ASAP1: variants seen among roughly 807,000 people sequenced by gnomAD.
ASAP1 encodes arf-GAP with SH3 domain, ANK repeat and PH domain-containing protein 1.
Under a neutral mutation model 145.2 loss-of-function variants are expected in ASAP1, and 43 were observed. The observed-to-expected ratio is 0.30, with a 90% CI of 0.23 to 0.38. ASAP1 has a LOEUF of 0.38. Among genes scored for constraint, ASAP1 ranks in the 10% least tolerant of loss-of-function variants. The pLI, the probability that ASAP1 is intolerant of heterozygous loss-of-function variation, is 1.00. For missense variants in ASAP1, 1,018 were observed against 1,355.3 expected (o/e 0.75, Z 3.91); for synonymous variants, 546 against 515.5 (o/e 1.06, Z -0.80).
chr8:130,227,409 T>C (rs1330286698), intron 4 of ASAP1, among the ~76,000 whole-genome samples: 2 of 152,046 alleles, frequency 1.3e-5, no homozygotes, highest in Non-Finnish European at 2.9e-5. Context: ...CATGCCACCA[T>C]GCCCAGCTAA....
intron 3 of ASAP1, among the ~76,000 whole-genome samples, chr8:130,301,609 C>T (rs1327157434): frequency 6.6e-6 from 1 of 152,106 alleles, no homozygotes; most frequent in East Asian, 1.9e-4. Flanking sequence ...ATCACATGTT[C>T]ACTACCCAAA....
rs1023617678 is a variant in ASAP1 at position 130,272,034 on chromosome 8, G to A, written c.187-35040C>T. On this transcript the variant is annotated intron_variant, in intron 3 of 29. Coordinates refer to ENST00000518721, the MANE Select transcript of ASAP1 (RefSeq NM_018482.4). ...AGACTTACTGTCACTAAAAGGCTGC[G>A]GTAAGCTCCAGTCCCAAATACTGGG... Among the ~76,000 whole-genome samples, 10 of 152,168 alleles carry A rather than the reference G, an allele frequency of 6.6e-5. No individual in the cohort carries two copies. In the South Asian group the frequency reaches 8.3e-4, roughly 13 times the overall value.
chr8:130,169,435 G>T (rs1233248762), intron 9 of ASAP1, among the ~76,000 whole-genome samples: 1 of 152,172 alleles, frequency 6.6e-6, no homozygotes, highest in African/African-American at 2.4e-5. Context: ...GAGAGAGAAG[G>T]ACACATTAAC....
chr8:130,119,858 G>C (rs1443374136), intron 18 of ASAP1, among the ~76,000 whole-genome samples: 1 of 151,932 alleles, frequency 6.6e-6, no homozygotes, highest in Non-Finnish European at 1.5e-5. Flanking sequence ...TGAATTAAAG[G>C]ATGTACAGTG....
chr8:130,124,155 G>T, intron 17 of ASAP1, 51 bp from the exon 18 acceptor site: 1 of 1,224,424 alleles, frequency 8.2e-7, no homozygotes, highest in Non-Finnish European at 1.2e-6. Context: ...TTTGCTACTA[G>T]TTAAAAGTCT....
chr8:130,330,015 A>G (rs1824579238), intron 3 of ASAP1, among the ~76,000 whole-genome samples: 1 of 152,190 alleles, frequency 6.6e-6, no homozygotes, highest in Non-Finnish European at 1.5e-5. Flanking sequence ...TTTCAGGGAG[A>G]GACAGTTGTA....
At chr8:130,137,674 C>CTTAT (rs2097598226) in intron 13 of ASAP1, among the ~76,000 whole-genome samples, 1 of 152,188 alleles carries the variant, frequency 6.6e-6, no homozygotes, top group Non-Finnish European at 1.5e-5. Flanking sequence ...TGAGGCAATG[C>CTTAT]TTAATGAACC....
chr8:130,208,159 A>G (rs956239852), intron 5 of ASAP1, among the ~76,000 whole-genome samples: 1 of 152,212 alleles, frequency 6.6e-6, no homozygotes, highest in Non-Finnish European at 1.5e-5. Flanking sequence ...CCCATCAACC[A>G]GCTTCCCCCA....
intron 24 of ASAP1, among the ~76,000 whole-genome samples, chr8:130,108,514 C>G (rs2097541225): frequency 6.6e-6 from 1 of 152,072 alleles, no homozygotes; most frequent in Non-Finnish European, 1.5e-5. Context: ...ATTTAACAGG[C>G]TTGGCCGGGT....
At position 130,054,695 on chromosome 8, in the gene ASAP1, T is replaced by C. The variant is rs775539561; in HGVS notation, c.*36A>G. On this transcript the variant is annotated 3_prime_UTR_variant, in exon 30 of 30. Coordinates refer to ENST00000518721, the MANE Select transcript of ASAP1 (RefSeq NM_018482.4). ...GTTACATGAAGGCAGCAGTCTTGCATGAAGGATGTGGACAATCTTAAGGTT... is the reference window on the plus strand; with the variant it reads ...GTTACATGAAGGCAGCAGTCTTGCACGAAGGATGTGGACAATCTTAAGGTT... 19 of 1,579,334 alleles carry C rather than the reference T, an allele frequency of 1.2e-5. No individual in the cohort carries two copies. The highest frequency in any genetic ancestry group is 1.7e-5 in the Non-Finnish European group (19 of 1,148,956).
At position 130,194,372 on chromosome 8, in the gene ASAP1, T is replaced by TG. The variant is rs1815339715; in HGVS notation, c.406-6190dup. 3.3e-5 allele frequency among the ~76,000 whole-genome samples: 5 copies of TG among 150,190 alleles called. No homozygotes were observed. The South Asian group carries it at 1.0e-3, about 31-fold the overall frequency. On this transcript the variant is annotated intron_variant, in intron 5 of 29. Coordinates refer to ENST00000518721, the MANE Select transcript of ASAP1 (RefSeq NM_018482.4). Reference sequence around the variant, plus strand: ...GGAGGAAATTTTAGGAAATATTCACTGGGGGGAGCAAAAAAAAAAAAATCC... The same window carrying TG: ...GGAGGAAATTTTAGGAAATATTCACTGGGGGGGAGCAAAAAAAAAAAAATCC...
At chr8:130,260,920 C>G (rs1160283667) in intron 3 of ASAP1, among the ~76,000 whole-genome samples, 1 of 152,118 alleles carries the variant, frequency 6.6e-6, no homozygotes, top group Non-Finnish European at 1.5e-5. Context: ...TTGCTTTTCC[C>G]CCCCTCAAGA....
At chr8:130,175,693 C>G (rs1813903824) in intron 9 of ASAP1, among the ~76,000 whole-genome samples, 2 of 151,942 alleles carry the variant, frequency 1.3e-5, no homozygotes, top group Non-Finnish European at 2.9e-5. Flanking sequence ...ATTTGGTTTC[C>G]TGTGCTTACT....
intron 9 of ASAP1, among the ~76,000 whole-genome samples, chr8:130,178,330 T>A (rs545950012): frequency 1.8e-4 from 28 of 152,274 alleles, no homozygotes; most frequent in South Asian, 4.1e-4. Flanking sequence ...AGAGTCTCCA[T>A]GTGTAGCTGG....
At chr8:130,149,630 G>C (rs1194715764) in intron 13 of ASAP1, among the ~76,000 whole-genome samples, 2 of 152,118 alleles carry the variant, frequency 1.3e-5, no homozygotes, top group Non-Finnish European at 2.9e-5. Context: ...TCAAACCAAA[G>C]AATTTCCATG....
At chr8:130,097,724 C>A (rs541595655) in intron 24 of ASAP1, among the ~76,000 whole-genome samples, 2 of 150,218 alleles carry the variant, frequency 1.3e-5, no homozygotes, top group Non-Finnish European at 1.5e-5. Context: ...CTGGGCCCAA[C>A]AATTTAGTCT....
At chr8:130,083,217 A>T (rs568513971) in intron 25 of ASAP1, 1 of 152,004 alleles carries the variant, frequency 6.6e-6, no homozygotes, top group Non-Finnish European at 1.5e-5. Flanking sequence ...ACTTAACCTT[A>T]CTCTTTGGCT....
chr8:130,183,749 C>T (rs1312552210), intron 7 of ASAP1, among the ~76,000 whole-genome samples: 2 of 152,106 alleles, frequency 1.3e-5, no homozygotes, highest in Non-Finnish European at 2.9e-5. Flanking sequence ...AAACACAAAA[C>T]CTAAACTCTT....
At chr8:130,076,530 CT>C (rs565927549) in intron 26 of ASAP1, 124 bp from the exon 27 acceptor site, 521 of 753,198 alleles carry the variant, frequency 6.9e-4, no homozygotes, top group East Asian at 8.5e-4. Context: ...TCAAAATTTC[CT>C]TTTTTTTTGA....
Sources: gnomAD v4.1 joint callset for allele counts (sites outside exome capture counted in the v4.1 genomes callset) on GRCh38, gnomAD v4.1.1 for gene constraint, MANE v1.5 for transcripts, NCBI Gene and HGNC (gene_info 2026-07-23, HGNC 2026-07-21) for gene names.